Variants in CR1 observed in about 807,000 individuals in gnomAD.
The protein encoded by CR1 is complement C3b/C4b receptor 1 (Knops blood group), also known as complement receptor type 1.
A neutral mutation model predicts 187.3 loss-of-function variants in CR1; 116 were observed. The ratio of observed to expected loss-of-function variants is 0.62; its 90% CI spans 0.53 to 0.72. The LOEUF is 0.72. Among genes scored for constraint, CR1 ranks in the 30% least tolerant of loss-of-function variants. CR1 has a pLI of 0.00. For missense variants in CR1, 1,731 were observed against 2,110.7 expected, an observed-to-expected ratio of 0.82 and a Z score of 3.52; for synonymous variants, 576 against 747.1, an observed-to-expected ratio of 0.77 and a Z score of 3.73.
At chr1:207,631,769 C>T (rs1419458454) in intron 46 of CR1, among the ~76,000 whole-genome samples, 1 of 152,154 alleles carries the variant, frequency 6.6e-6, no homozygotes, top group Non-Finnish European at 1.5e-5. Flanking sequence ...ATGTCCTACC[C>T]ATAGGTGTTT....
intron 46 of CR1, among the ~76,000 whole-genome samples, chr1:207,639,085 T>C (rs1443202686): frequency 6.6e-6 from 1 of 152,260 alleles, no homozygotes; most frequent in Non-Finnish European, 1.5e-5. Flanking sequence ...TTTGCTCATT[T>C]TCCCGACAAT....
intron 35 of CR1, among the ~76,000 whole-genome samples, chr1:207,598,375 T>C (rs1479782584): frequency 2.0e-5 from 3 of 152,060 alleles, no homozygotes; most frequent in African/African-American, 7.2e-5. Flanking sequence ...TTAAAAATTT[T>C]GTTTAAGATA....
At position 207,577,864 on chromosome 1, in the gene CR1, G is replaced by C; in HGVS notation, c.4597G>C (p.Glu1533Gln). 1 of 1,613,858 alleles carries C rather than the reference G, an allele frequency of 6.2e-7. No homozygotes were observed. Residue 1533 changes from glutamate to glutamine, a missense_variant, in exon 29 of 47, where the codon GAG (glutamate) becomes CAG (glutamine). By Grantham distance (29) the Glu-to-Gln change is conservative. Transcript: ENST00000367049. ...ANGDFISTNR[E>Q]NFHYGSVVTY... ...TGGAGATTTCATTAGCACCAACAGA[G>C]AGAATTTTCACTATGGATCAGTGGT...
intron 4 of CR1, among the ~76,000 whole-genome samples, chr1:207,512,157 T>C (rs585679): frequency 6.6e-6 from 1 of 152,244 alleles, no homozygotes. Context: ...CTTTTTAAAG[T>C]AGTTTGGTAT....
At position 207,565,938 on chromosome 1, in the gene CR1, C is replaced by T. The variant is rs974423669; in HGVS notation, c.3952+15C>T. 1 of 1,610,898 alleles carries T rather than the reference C, an allele frequency of 6.2e-7. No individual in the cohort carries two copies. The highest frequency in any genetic ancestry group is 1.4e-5 in the African/African-American group (1 of 72,380). ...AGTGTGTGAACGTGAGTAATAGGAG[C>T]AACATTTCAGGCCAATCTCTCCCCT... On this transcript the variant is annotated intron_variant, in intron 24 of 46. Coordinates refer to ENST00000367049, the MANE Select transcript of CR1 (RefSeq NM_000651.6).
chr1:207,601,446 T>G (rs1190627999), intron 35 of CR1, among the ~76,000 whole-genome samples: 1 of 152,158 alleles, frequency 6.6e-6, no homozygotes, highest in East Asian at 1.9e-4. Context: ...GAAGTGGAAT[T>G]CCTGGGGGAT....
At chr1:207,599,676 A>C (rs1661548392) in intron 35 of CR1, among the ~76,000 whole-genome samples, 1 of 152,218 alleles carries the variant, frequency 6.6e-6, no homozygotes, top group South Asian at 2.1e-4. Flanking sequence ...AGTGATTTGA[A>C]TGGGTGACCA....
intron 41 of CR1, among the ~76,000 whole-genome samples, chr1:207,617,507 A>ATATG (rs1332301171): frequency 0.031 from 1,465 of 46,974 alleles, 84 homozygotes; most frequent in Admixed American, 0.079. Context: ...ATATATATAT[A>ATATG]TGTGTGTGTG....
At chr1:207,608,679 G>C (rs1056216776) in intron 36 of CR1, among the ~76,000 whole-genome samples, 1 of 151,816 alleles carries the variant, frequency 6.6e-6, no homozygotes, top group Admixed American at 6.6e-5. Context: ...ACCTTTTGTA[G>C]GGGGTTATCT....
intron 5 of CR1, among the ~76,000 whole-genome samples, chr1:207,524,291 T>G (rs1216151713): frequency 6.6e-6 from 1 of 152,004 alleles, no homozygotes; most frequent in Non-Finnish European, 1.5e-5. Flanking sequence ...ACAAAATGAG[T>G]GATTCCTCTG....
chr1:207,497,949 A>G (rs1659142109), intron 1 of CR1, among the ~76,000 whole-genome samples: 1 of 152,240 alleles, frequency 6.6e-6, no homozygotes, highest in Non-Finnish European at 1.5e-5. Context: ...TTAAAGAAGT[A>G]TAAGAGCTCT....
intron 41 of CR1, 146 bp from the exon 42 acceptor site, chr1:207,617,925 C>A: frequency 1.3e-6 from 1 of 765,868 alleles, no homozygotes; most frequent in Non-Finnish European, 2.1e-6. Flanking sequence ...TTTCACTGAT[C>A]AAATAGGAGG....
chr1:207,618,966 A>C (rs56348481), intron 42 of CR1, among the ~76,000 whole-genome samples: 1 of 145,842 alleles, frequency 6.9e-6, no homozygotes, highest in Non-Finnish European at 1.5e-5. Flanking sequence ...TTGAACCCAG[A>C]GGCAGAGGTT....
intron 41 of CR1, among the ~76,000 whole-genome samples, chr1:207,617,595 A>G (rs868086002): frequency 4.5e-4 from 18 of 39,930 alleles, no homozygotes; most frequent in East Asian, 2.4e-3. Context: ...ATATATATAT[A>G]TATATATATA....
At chr1:207,575,017 G>A (rs1320496425) in intron 27 of CR1, among the ~76,000 whole-genome samples, 2 of 151,996 alleles carry the variant, frequency 1.3e-5, no homozygotes, top group Admixed American at 6.6e-5. Context: ...CCTCATCATT[G>A]GGCATCATGA....
chr1:207,593,811 T>C (rs1036680052), intron 35 of CR1, among the ~76,000 whole-genome samples: 2 of 152,194 alleles, frequency 1.3e-5, no homozygotes, highest in African/African-American at 4.8e-5. Flanking sequence ...AACAGACATT[T>C]CTCAAAAGAA....
chr1:207,594,664 G>C (rs1661374936), intron 35 of CR1, among the ~76,000 whole-genome samples: 1 of 152,134 alleles, frequency 6.6e-6, no homozygotes, highest in African/African-American at 2.4e-5. Flanking sequence ...GGAAAAACAT[G>C]ATATATATTA....
chr1:207,580,773 A>C (rs1288041782), intron 31 of CR1, among the ~76,000 whole-genome samples, 160 bp downstream of exon 31: 1 of 152,170 alleles, frequency 6.6e-6, no homozygotes, highest in African/African-American at 2.4e-5. Flanking sequence ...ACTAAGTGGC[A>C]CTACTATCAG....
In CR1 at chr1:207,641,198, AG is replaced by A. The variant is rs1662973365; in HGVS notation, c.*1791del. On this transcript the variant is annotated 3_prime_UTR_variant, in exon 47 of 47. Coordinates refer to ENST00000367049, the MANE Select transcript of CR1 (RefSeq NM_000651.6). ...ATTTTGAAGAAGTAATTTTTAAAGG[AG>A]GACTAGAAACTAAGTGATTGGGAAT... The A allele has an allele frequency of 6.6e-6, 1 of 152,190 alleles. No individual in the cohort carries two copies. The highest frequency in any genetic ancestry group is 2.1e-4 in the South Asian group (1 of 4,828). 9.4% of individuals were successfully genotyped at this position (152,190 alleles called of 1,614,324 possible). A position where few individuals can be genotyped will look rare whatever the true frequency, so the allele number is the denominator to read the frequency against.
Sources: allele counts gnomAD v4.1 joint callset (sites outside exome capture counted in the v4.1 genomes callset), GRCh38; gene constraint gnomAD v4.1.1; transcripts MANE v1.5; gene names NCBI Gene and HGNC (gene_info 2026-07-23, HGNC 2026-07-21).